The following KCNH7 variants were observed in gnomAD, a reference collection of about 807,000 sequenced individuals.
KCNH7 encodes the protein voltage-gated inwardly rectifying potassium channel KCNH7.
A neutral mutation model predicts 120.8 loss-of-function variants in KCNH7; 49 were observed. The observed-to-expected ratio is 0.41, with a 90% confidence interval of 0.32 to 0.51. The LOEUF is 0.51. KCNH7 is among the 20% of genes least tolerant of loss of function. The pLI, the probability that KCNH7 is intolerant of heterozygous loss-of-function variation, is 0.38. For synonymous variants in KCNH7, 547 were observed against 516.1 expected (o/e 1.06, Z -0.81); for missense variants, 1,097 against 1,446.6 (o/e 0.76, Z 3.92).
chr2:162,616,889 T>A (rs1466505295), intron 2 of KCNH7, among the ~76,000 whole-genome samples: 1 of 152,168 alleles, frequency 6.6e-6, no homozygotes, highest in Non-Finnish European at 1.5e-5. Flanking sequence ...GTAGAGAAAT[T>A]GATTTTAAAG....
chr2:162,439,328 G>A (rs2105533249), intron 7 of KCNH7, among the ~76,000 whole-genome samples: 1 of 152,058 alleles, frequency 6.6e-6, no homozygotes, highest in East Asian at 1.9e-4. Context: ...CTCACTAGAT[G>A]GCAAAATGTG....
Position 162,518,094 on chromosome 2 carries a change from T to C in KCNH7, c.528A>G (p.Pro176=), listed in dbSNP as rs200281723. The part of the protein sequence containing the change: ...RVLTYRKQSL[P]QEDPDVVVID... ...TGACCACCACATCGGGGTCTTCTTGTGGTAAGGACTGCTTTCTGTAAGTGA... is the reference window on the plus strand; with the variant it reads ...TGACCACCACATCGGGGTCTTCTTGCGGTAAGGACTGCTTTCTGTAAGTGA... The change falls in exon 4 of 16, where the codon CCA becomes CCG. Residue 176 remains proline, a synonymous_variant. Coordinates refer to ENST00000332142, the MANE Select transcript of KCNH7 (RefSeq NM_033272.4). 9 of 1,612,288 alleles carry C rather than the reference T, an allele frequency of 5.6e-6. No homozygotes were observed. In the East Asian group the frequency reaches 1.6e-4, roughly 28 times the overall value.
intron 6 of KCNH7, among the ~76,000 whole-genome samples, chr2:162,482,833 A>T (rs1217813831): frequency 1.2e-4 from 19 of 152,200 alleles, no homozygotes; most frequent in Admixed American, 1.2e-3. Context: ...ACCAAAAAAA[A>T]GTTTCATATA....
At chr2:162,433,346 G>C (rs1030191833) in intron 8 of KCNH7, among the ~76,000 whole-genome samples, 1 of 152,078 alleles carries the variant, frequency 6.6e-6, no homozygotes, top group African/African-American at 2.4e-5. Context: ...AAAGAGCAAA[G>C]CTGGAGGCAT....
intron 9 of KCNH7, among the ~76,000 whole-genome samples, chr2:162,405,501 A>G (rs1687185054): frequency 6.6e-6 from 1 of 152,014 alleles, no homozygotes; most frequent in African/African-American, 2.4e-5. Flanking sequence ...ATGACCAGAC[A>G]TTAATTCAGA....
intron 2 of KCNH7, among the ~76,000 whole-genome samples, chr2:162,711,058 T>G (rs1404771989): frequency 6.6e-6 from 1 of 152,204 alleles, no homozygotes; most frequent in Non-Finnish European, 1.5e-5. Flanking sequence ...CTATAATACA[T>G]TTCCATGTGT....
intron 2 of KCNH7, among the ~76,000 whole-genome samples, chr2:162,653,085 A>C (rs565399066): frequency 6.6e-6 from 1 of 152,280 alleles, no homozygotes; most frequent in Non-Finnish European, 1.5e-5. Context: ...GAAAAGCCTA[A>C]CTAAGCTCTC....
chr2:162,598,674 T>C (rs1222220992), intron 2 of KCNH7, among the ~76,000 whole-genome samples: 3 of 152,126 alleles, frequency 2.0e-5, no homozygotes, highest in Admixed American at 6.6e-5. Flanking sequence ...CATTGTTACA[T>C]TGAATATGCC....
chr2:162,525,333 T>C (rs1291110672), intron 3 of KCNH7, among the ~76,000 whole-genome samples: 2 of 151,958 alleles, frequency 1.3e-5, no homozygotes, highest in Non-Finnish European at 2.9e-5. Context: ...AGCATTCCCG[T>C]AAACATGTTT....
Position 162,576,669 on chromosome 2 carries a change from T to A in KCNH7, c.308-39589A>T, listed in dbSNP as rs143872344. ...TGGGTTTTTTGGGGTTTTTTTTTCC[T>A]GTTTACAAGAGGGTACAACGAAAAC... On this transcript the variant is annotated intron_variant, in intron 2 of 15. Coordinates refer to ENST00000332142, the MANE Select transcript of KCNH7 (RefSeq NM_033272.4). Among the ~76,000 whole-genome samples, 286 of 151,932 alleles carry A rather than the reference T, an allele frequency of 1.9e-3. No individual in the cohort carries two copies. The East Asian group carries it at 0.029, about 15-fold the overall frequency.
At chr2:162,377,559 T>C (rs1386684324) in intron 14 of KCNH7, among the ~76,000 whole-genome samples, 2 of 152,280 alleles carry the variant, frequency 1.3e-5, no homozygotes, top group Non-Finnish European at 2.9e-5. Flanking sequence ...TGGTTCGAGA[T>C]TGGACAGGCA....
chr2:162,451,521 C>A (rs892348194), intron 6 of KCNH7, among the ~76,000 whole-genome samples: 1 of 151,904 alleles, frequency 6.6e-6, no homozygotes, highest in Non-Finnish European at 1.5e-5. Flanking sequence ...CTTGGCTAGT[C>A]AATTTTTCTT....
chr2:162,505,012 G>A lies in KCNH7; in HGVS notation c.914-355C>T, dbSNP rs190581894. Among the ~76,000 whole-genome samples, 320 of 152,040 alleles carry A rather than the reference G, an allele frequency of 2.1e-3. 2 individuals are homozygous for A. The highest frequency in any genetic ancestry group is 7.3e-3 in the African/African-American group (301 of 41,514). On this transcript the variant is annotated intron_variant, in intron 5 of 15. Coordinates refer to ENST00000332142, the MANE Select transcript of KCNH7 (RefSeq NM_033272.4). Reference sequence around the variant, plus strand: ...TTATAAATTTCATTTTGTAATTTGAGGATTATTTAAGAAGGACTTACCTAT... The same window carrying A: ...TTATAAATTTCATTTTGTAATTTGAAGATTATTTAAGAAGGACTTACCTAT...
chr2:162,705,297 T>C (rs1172399336), intron 2 of KCNH7, among the ~76,000 whole-genome samples: 1 of 152,102 alleles, frequency 6.6e-6, no homozygotes, highest in Non-Finnish European at 1.5e-5. Context: ...TCTGTTCACG[T>C]GAAAGCAGGT....
At chr2:162,522,828 T>G (rs952657525) in intron 3 of KCNH7, among the ~76,000 whole-genome samples, 8 of 151,880 alleles carry the variant, frequency 5.3e-5, no homozygotes, top group African/African-American at 1.9e-4. Flanking sequence ...GGCATATAGT[T>G]GTTAATATGC....
intron 2 of KCNH7, among the ~76,000 whole-genome samples, chr2:162,598,670 T>TA: frequency 6.6e-6 from 1 of 152,266 alleles, no homozygotes. Flanking sequence ...AAGCCATTGT[T>TA]ACATTGAATA....
At chr2:162,766,598 G>A (rs1029152882) in intron 2 of KCNH7, among the ~76,000 whole-genome samples, 7 of 152,184 alleles carry the variant, frequency 4.6e-5, no homozygotes, top group South Asian at 4.1e-4. Flanking sequence ...TTTAGTCGTC[G>A]TTTTTCTTTA....
chr2:162,513,323 TTCC>T (rs1272233516), intron 4 of KCNH7, among the ~76,000 whole-genome samples: 2 of 141,110 alleles, frequency 1.4e-5, no homozygotes, highest in Non-Finnish European at 3.1e-5. Flanking sequence ...CCTTCTTTCC[TTCC>T]TTCTTTCCTT....
At chr2:162,748,401 T>C (rs1688388821) in intron 2 of KCNH7, among the ~76,000 whole-genome samples, 2 of 152,230 alleles carry the variant, frequency 1.3e-5, no homozygotes, top group Non-Finnish European at 2.9e-5. Flanking sequence ...TTTATGCCCT[T>C]ATCTAGTTTC....
Sources: gnomAD v4.1 joint callset for allele counts (sites outside exome capture counted in the v4.1 genomes callset) on GRCh38, gnomAD v4.1.1 for gene constraint, MANE v1.5 for transcripts, NCBI Gene and HGNC (gene_info 2026-07-23, HGNC 2026-07-21) for gene names.